The following ANKRD28 variants were observed in gnomAD, a reference collection of about 807,000 sequenced individuals.
ANKRD28 encodes the protein serine/threonine-protein phosphatase 6 regulatory ankyrin repeat subunit A.
A neutral mutation model predicts 126.5 loss-of-function variants in ANKRD28; 44 were observed. The observed-to-expected ratio is 0.35, with a 90% CI of 0.27 to 0.45. ANKRD28 has a LOEUF of 0.45. Among genes scored for constraint, ANKRD28 ranks in the 20% least tolerant of loss-of-function variants. The pLI is 1.00. For synonymous variants in ANKRD28, 442 were observed against 468.5 expected, an observed-to-expected ratio of 0.94 and a Z score of 0.73; for missense variants, 1,110 against 1,316.6, an observed-to-expected ratio of 0.84 and a Z score of 2.43.
At position 15,833,483 on chromosome 3, in the gene ANKRD28, A is replaced by T. The variant is rs879245707; in HGVS notation, c.27+25894T>A. On this transcript the variant is annotated intron_variant, in intron 1 of 27. Transcript: ENST00000399451. This position sits in a 1 kb window ranked among gnomAD's most constrained non-coding sequence, Gnocchi z 4.4. ...CTTAAACTCCCCTTCATATATATAT[A>T]ATATATAAAAATATACTACATATTA... Among the ~76,000 whole-genome samples, 1 of 148,628 alleles carries T rather than the reference A, an allele frequency of 6.7e-6. No individual in the cohort carries two copies. Among genetic ancestry groups the T allele is most frequent in the Non-Finnish European group, 1.5e-5 (1 of 67,358 alleles).
At chr3:15,774,137 ATTAAC>A (rs1270823104) in intron 2 of ANKRD28, among the ~76,000 whole-genome samples, 1 of 152,236 alleles carries the variant, frequency 6.6e-6, no homozygotes, top group Non-Finnish European at 1.5e-5. Context: ...TAATATGAAT[ATTAAC>A]TTAAAAGGAA....
At position 15,804,714 on chromosome 3, in the gene ANKRD28, A is replaced by T. The variant is rs1444720906; in HGVS notation, c.28-9408T>A. ...GTTACAGCCAAGTGGAGGTGGTTAC[A>T]GCCAAGTACAGATGACTGCTGGTGT... On this transcript the variant is annotated intron_variant, in intron 1 of 27. Transcript: ENST00000399451. Among the ~76,000 whole-genome samples the T allele has an allele frequency of 3.4e-5, 5 of 145,550 alleles. 1 individual carries two copies. The South Asian group carries it at 9.3e-4, about 27-fold the overall frequency.
At chr3:15,795,384 T>C (rs1177393975) in intron 1 of ANKRD28, 78 bp from the exon 2 acceptor site, 11 of 998,616 alleles carry the variant, frequency 1.1e-5, no homozygotes, top group Non-Finnish European at 1.5e-5. Flanking sequence ...AGTTCTGGAA[T>C]CTACAAGTTT....
chr3:15,765,702 T>C lies in ANKRD28; in HGVS notation c.280+532A>G, dbSNP rs191434983. On this transcript the variant is annotated intron_variant, in intron 3 of 27. Coordinates refer to ENST00000683139, the MANE Select transcript of ANKRD28 (RefSeq NM_001349278.2). ...TAAAAATACAAAAATTAGCTGGGTA[T>C]GGAGGCATGTGCCTGTAATCCCAGC... Among the ~76,000 whole-genome samples, 8 of 152,204 alleles carry C rather than the reference T, an allele frequency of 5.3e-5. No homozygotes were observed. In the East Asian group the frequency reaches 1.4e-3, roughly 26 times the overall value.
intron 3 of ANKRD28, among the ~76,000 whole-genome samples, chr3:15,757,332 A>G (rs1374751114): frequency 1.3e-5 from 2 of 152,170 alleles, no homozygotes; most frequent in African/African-American, 4.8e-5. Context: ...TAACCTCCAC[A>G]TTGTTCAAGG....
intron 3 of ANKRD28, among the ~76,000 whole-genome samples, chr3:15,758,898 A>C (rs1009253582): frequency 6.6e-6 from 1 of 152,226 alleles, no homozygotes; most frequent in African/African-American, 2.4e-5. Flanking sequence ...TATTTTTTAT[A>C]AAAGGCCAAT....
rs1553624396 is a variant in ANKRD28 at position 15,762,224 on chromosome 3, A to AAAC, written c.280+4009_280+4010insGTT. Among the ~76,000 whole-genome samples the AAAC allele has an allele frequency of 1.3e-3, 139 of 107,636 alleles. 1 individual carries two copies. Among genetic ancestry groups the AAAC allele is most frequent in the African/African-American group, 4.3e-3 (127 of 29,642 alleles). 70.6% of individuals were successfully genotyped at this position (107,636 alleles called of 152,430 possible). The stretch of plus-strand genomic sequence containing the variant: ...AAAAAAAAAAAAAAACAAAACAAAA[A>AAAC]AAAAAAAACTCTCCTGGTTCCTTCC... On this transcript the variant is annotated intron_variant, in intron 3 of 27. Coordinates refer to ENST00000683139, the MANE Select transcript of ANKRD28 (RefSeq NM_001349278.2).
intron 4 of ANKRD28, among the ~76,000 whole-genome samples, chr3:15,749,212 G>A (rs1036349954): frequency 2.5e-4 from 36 of 146,206 alleles, no homozygotes; most frequent in Middle Eastern, 3.6e-3. Context: ...CCGGGTTCAC[G>A]CCATTCTCCT....
chr3:15,740,497 C>T (rs1243155355), intron 4 of ANKRD28, among the ~76,000 whole-genome samples: 1 of 152,128 alleles, frequency 6.6e-6, no homozygotes, highest in Non-Finnish European at 1.5e-5. Flanking sequence ...TACATTGTGA[C>T]TTGGGGGATC....
upstream of ANKRD28, among the ~76,000 whole-genome samples, chr3:15,802,359 T>C (rs961242575): frequency 6.6e-6 from 1 of 152,202 alleles, no homozygotes; most frequent in Admixed American, 6.5e-5. Flanking sequence ...AGCCTTGGAC[T>C]GTCTACTTTC....
intron 1 of ANKRD28, among the ~76,000 whole-genome samples, chr3:15,827,033 T>C (rs1329916748): frequency 3.3e-5 from 5 of 152,088 alleles, no homozygotes; most frequent in East Asian, 3.8e-4. Flanking sequence ...CACTCTCTCA[T>C]CACCAGGGAA....
intron 8 of ANKRD28, among the ~76,000 whole-genome samples, chr3:15,718,721 C>A (rs569730868): frequency 6.6e-6 from 1 of 152,208 alleles, no homozygotes; most frequent in East Asian, 1.9e-4. Context: ...GGTAAAGTTC[C>A]GTAATTTCCA....
intron 2 of ANKRD28, among the ~76,000 whole-genome samples, chr3:15,773,190 A>G (rs796531845): frequency 7.2e-5 from 11 of 152,310 alleles, no homozygotes; most frequent in African/African-American, 2.6e-4. Flanking sequence ...ATGCAAGGTC[A>G]ATATACAAAA....
At chr3:15,740,126 C>T (rs903163757) in intron 4 of ANKRD28, among the ~76,000 whole-genome samples, 5 of 152,264 alleles carry the variant, frequency 3.3e-5, no homozygotes, top group South Asian at 2.1e-4. Flanking sequence ...CAAAAGAAGT[C>T]GTGACACAAG....
intron 6 of ANKRD28, among the ~76,000 whole-genome samples, chr3:15,734,449 C>A (rs551635969): frequency 1.3e-5 from 2 of 152,264 alleles, no homozygotes; most frequent in East Asian, 3.9e-4. Context: ...GAAAACATGT[C>A]AGTTCATATG....
At chr3:15,787,715 C>G (rs1420361126) in intron 2 of ANKRD28, among the ~76,000 whole-genome samples, 1 of 152,126 alleles carries the variant, frequency 6.6e-6, no homozygotes, top group East Asian at 1.9e-4. Flanking sequence ...GGTGTACTGA[C>G]AGTCAGCAGA....
At chr3:15,852,658 C>A (rs1181363415) in intron 1 of ANKRD28, among the ~76,000 whole-genome samples, 1 of 151,412 alleles carries the variant, frequency 6.6e-6, no homozygotes, top group Non-Finnish European at 1.5e-5. Context: ...ACGGTGAAAC[C>A]CCGTCTCTAC....
At chr3:15,759,860 C>A (rs756911322) in intron 3 of ANKRD28, among the ~76,000 whole-genome samples, 5 of 152,156 alleles carry the variant, frequency 3.3e-5, no homozygotes, top group Non-Finnish European at 7.4e-5. Context: ...CTGCTGTGTC[C>A]TAAAATCCCT....
chr3:15,796,910 A>C lies in ANKRD28; in HGVS notation c.-389T>G, dbSNP rs1326138318. ...AACAATCATTGTTTTTGGTGACACAACACCACACAATATAGAATGAAATGA... is the reference window on the plus strand; with the variant it reads ...AACAATCATTGTTTTTGGTGACACACCACCACACAATATAGAATGAAATGA... On this transcript the variant is annotated 5_prime_UTR_variant, in exon 1 of 28. Transcript: ENST00000683139. The C allele has an allele frequency of 8.1e-6, 8 of 987,448 alleles. No homozygotes were observed. The highest frequency in any genetic ancestry group is 6.1e-5 in the Admixed American group (1 of 16,434). The allele number at this position is 987,448 out of a possible 1,614,324, so 61.2% of individuals were successfully genotyped here.
Sources: gnomAD v4.1 joint callset for allele counts (sites outside exome capture counted in the v4.1 genomes callset) on GRCh38, gnomAD v4.1.1 for gene constraint, Gnocchi (gnomAD v3.1) non-coding constraint, MANE v1.5 for transcripts, NCBI Gene and HGNC (gene_info 2026-07-23, HGNC 2026-07-21) for gene names.